Variants in SPATS2L observed in about 807,000 individuals in gnomAD.
The protein encoded by SPATS2L is SPATS2-like protein.
Under a neutral mutation model 59.6 loss-of-function variants are expected in SPATS2L, and 30 were observed. The ratio of observed to expected loss-of-function variants is 0.50; its 90% CI spans 0.38 to 0.68. The LOEUF (loss-of-function observed/expected upper bound fraction) is 0.68, where lower values mean the gene tolerates loss of function less well. Among genes scored for constraint, SPATS2L ranks in the 30% least tolerant of loss-of-function variants. The pLI is 0.00. For missense variants in SPATS2L, 615 were observed against 700.0 expected (o/e 0.88, Z 1.37); for synonymous variants, 252 against 263.5 (o/e 0.96, Z 0.42).
At chr2:200,395,808 C>G (rs1057124379) in intron 3 of SPATS2L, among the ~76,000 whole-genome samples, 1 of 151,346 alleles carries the variant, frequency 6.6e-6, no homozygotes, top group East Asian at 1.9e-4. Flanking sequence ...GTTAGGAGAT[C>G]GAGACCAGCC....
At chr2:200,352,043 C>T (rs1038532243) in intron 2 of SPATS2L, among the ~76,000 whole-genome samples, 1 of 152,022 alleles carries the variant, frequency 6.6e-6, no homozygotes, top group Non-Finnish European at 1.5e-5. Context: ...TCTCAGTTTA[C>T]GTGCTTGAAG....
In SPATS2L at chr2:200,423,764, A is replaced by G. The variant is rs1039438639; in HGVS notation, c.445+4268A>G. Among the ~76,000 whole-genome samples the G allele has an allele frequency of 3.3e-5, 5 of 152,366 alleles. No individual in the cohort carries two copies. In the East Asian group the frequency reaches 9.6e-4, roughly 29 times the overall value. On this transcript the variant is annotated intron_variant, in intron 6 of 12. Coordinates refer to ENST00000409140, the MANE Select transcript of SPATS2L (RefSeq NM_001100423.2). ...GCCCTCCAATAATGAAACTAGCTCA[A>G]CAAAGCCTGCCCTGAATGCCCCACT...
chr2:200,307,236 G>A (rs1431337926), intron 1 of SPATS2L, among the ~76,000 whole-genome samples: 4 of 151,660 alleles, frequency 2.6e-5, no homozygotes, highest in African/African-American at 4.8e-5. Context: ...GCTCCGACGT[G>A]TACCCGCCCG....
chr2:200,338,005 A>T (rs1314725055), intron 2 of SPATS2L, among the ~76,000 whole-genome samples: 1 of 152,158 alleles, frequency 6.6e-6, no homozygotes, highest in Non-Finnish European at 1.5e-5. Flanking sequence ...ATTGAACCAG[A>T]TATACTCTGA....
At chr2:200,441,442 G>A (rs1349069482) in intron 8 of SPATS2L, among the ~76,000 whole-genome samples, 1 of 152,158 alleles carries the variant, frequency 6.6e-6, no homozygotes, top group East Asian at 1.9e-4. Context: ...GTTTGGAGTG[G>A]CAGAAATCAA....
At chr2:200,396,033 A>AATAAAT (rs1553520466) in intron 3 of SPATS2L, among the ~76,000 whole-genome samples, 55 of 21,126 alleles carry the variant, frequency 2.6e-3, no homozygotes, top group Non-Finnish European at 3.7e-3. Context: ...AAAAAAAAAA[A>AATAAAT]ATATATATAT....
intron 8 of SPATS2L, among the ~76,000 whole-genome samples, chr2:200,449,169 T>G (rs75817791): frequency 0.013 from 1,997 of 152,326 alleles, 43 homozygotes; most frequent in African/African-American, 0.045. Context: ...TTTCCTATTT[T>G]CTTTCTTCCC....
intron 8 of SPATS2L, among the ~76,000 whole-genome samples, chr2:200,447,098 C>T (rs2085098912): frequency 6.6e-6 from 1 of 152,190 alleles, no homozygotes; most frequent in Admixed American, 6.5e-5. Flanking sequence ...CTGTTTCTAC[C>T]TGAGTCTTTT....
intron 1 of SPATS2L, among the ~76,000 whole-genome samples, chr2:200,311,719 T>G (rs570039337): frequency 6.6e-6 from 1 of 152,330 alleles, no homozygotes; most frequent in African/African-American, 2.4e-5. Flanking sequence ...GTAAGCCTTA[T>G]TTTGTACAAG....
rs551995357 is a variant in SPATS2L at position 200,427,117 on chromosome 2, A to G, written c.445+7621A>G. 1.4e-4 allele frequency among the ~76,000 whole-genome samples: 21 copies of G among 152,290 alleles called. No homozygotes were observed. In the South Asian group the frequency reaches 4.1e-3, roughly 30 times the overall value. Reference sequence around the variant, plus strand: ...TATAACTTCCCACCCACTCCTTGTTATGGTGATTTCAGTTACAAATGGACT... The same window carrying G: ...TATAACTTCCCACCCACTCCTTGTTGTGGTGATTTCAGTTACAAATGGACT... On this transcript the variant is annotated intron_variant, in intron 6 of 12. Coordinates refer to ENST00000409140, the MANE Select transcript of SPATS2L (RefSeq NM_001100423.2).
At chr2:200,426,709 G>A (rs1380476370) in intron 6 of SPATS2L, among the ~76,000 whole-genome samples, 2 of 152,162 alleles carry the variant, frequency 1.3e-5, no homozygotes, top group African/African-American at 4.8e-5. Context: ...CCTGCGCAAT[G>A]AAGCAAGACC....
chr2:200,386,522 C>T (rs1162979621), intron 2 of SPATS2L, among the ~76,000 whole-genome samples: 3 of 152,184 alleles, frequency 2.0e-5, no homozygotes, highest in Non-Finnish European at 4.4e-5. Context: ...GTCTTCAGAT[C>T]TCATAAATTT....
chr2:200,457,204 T>C (rs1471790829), intron 8 of SPATS2L, among the ~76,000 whole-genome samples: 1 of 140,202 alleles, frequency 7.1e-6, no homozygotes, highest in Admixed American at 7.8e-5. Context: ...AAGAAGGTTG[T>C]AAATAATGAA....
At chr2:200,332,419 A>G (rs1191330061) in intron 2 of SPATS2L, among the ~76,000 whole-genome samples, 1 of 151,686 alleles carries the variant, frequency 6.6e-6, no homozygotes, top group Non-Finnish European at 1.5e-5. Flanking sequence ...TATTTTTTTT[A>G]TTTTTTATAG....
intron 3 of SPATS2L, among the ~76,000 whole-genome samples, chr2:200,398,697 T>C (rs2082427649): frequency 1.3e-5 from 2 of 152,194 alleles, no homozygotes; most frequent in Admixed American, 1.3e-4. Flanking sequence ...CAAAATCCTT[T>C]GCAGCTCTAT....
Position 200,332,746 on chromosome 2 carries a change from T to G in SPATS2L, c.-23+3266T>G, listed in dbSNP as rs867392199. Among the ~76,000 whole-genome samples, 35 of 116,584 alleles carry G rather than the reference T, an allele frequency of 3.0e-4. No individual in the cohort carries two copies. The South Asian group carries it at 4.8e-3, about 16-fold the overall frequency. The allele number at this position is 116,584 out of a possible 152,430, so 76.5% of individuals were successfully genotyped here. Reference sequence around the variant, plus strand: ...ACTGGAATTCATTATATTTTTTTTTTGAAAAAAAAAAACTAAGTTAGCTGC... The same window carrying G: ...ACTGGAATTCATTATATTTTTTTTTGGAAAAAAAAAAACTAAGTTAGCTGC... On this transcript the variant is annotated intron_variant, in intron 2 of 12. Transcript: ENST00000409140.
intron 9 of SPATS2L, among the ~76,000 whole-genome samples, chr2:200,465,899 G>T (rs776563771): frequency 6.6e-6 from 1 of 152,184 alleles, no homozygotes; most frequent in Non-Finnish European, 1.5e-5. Flanking sequence ...AGGCATGGTG[G>T]CGGGCGCCTG....
chr2:200,332,117 G>A (rs1399107565), intron 2 of SPATS2L, among the ~76,000 whole-genome samples: 1 of 151,700 alleles, frequency 6.6e-6, no homozygotes, highest in African/African-American at 2.4e-5. Context: ...TCATTAAGAG[G>A]AAAAATTTTA....
At chr2:200,363,122 G>T (rs551247615) in intron 2 of SPATS2L, among the ~76,000 whole-genome samples, 6 of 152,038 alleles carry the variant, frequency 3.9e-5, no homozygotes, top group African/African-American at 1.4e-4. Flanking sequence ...TCTGAAAGGG[G>T]CAGTAATGTA....
Sources: allele counts gnomAD v4.1 joint callset (sites outside exome capture counted in the v4.1 genomes callset), GRCh38; gene constraint gnomAD v4.1.1; transcripts MANE v1.5; gene names NCBI Gene and HGNC (gene_info 2026-07-23, HGNC 2026-07-21).